The following UNC13B variants were observed in gnomAD, a reference collection of about 807,000 sequenced individuals.
UNC13B encodes unc-13 homolog B.
Under a neutral mutation model 211.0 loss-of-function variants are expected in UNC13B, and 144 were observed. The ratio of observed to expected loss-of-function variants is 0.68; its 90% CI spans 0.60 to 0.78. The LOEUF (loss-of-function observed/expected upper bound fraction) is 0.78, where lower values mean the gene tolerates loss of function less well. Among genes scored for constraint, UNC13B ranks in the 30% least tolerant of loss-of-function variants. The pLI, the probability that UNC13B is intolerant of heterozygous loss-of-function variation, is 0.00. For missense variants in UNC13B, 1,777 were observed against 2,002.0 expected (o/e 0.89, Z 2.14); for synonymous variants, 709 against 725.8 (o/e 0.98, Z 0.37).
chr9:35,351,552 A>C lies in UNC13B; in HGVS notation c.9415-15395A>C, dbSNP rs918498605. 1.3e-5 allele frequency: 16 copies of C among 1,232,260 alleles called. No homozygotes were observed. The African/African-American group carries it at 1.9e-4, about 14-fold the overall frequency. The allele number at this position is 1,232,260 out of a possible 1,614,324, so 76.3% of individuals were successfully genotyped here. A position where few individuals can be genotyped will look rare whatever the true frequency, so the allele number is the denominator to read the frequency against. ...ATGAAGCGATTGTTGCAAGAGTCAG[A>C]GGAAGAAATCATGGTTACCTTGGGA... On this transcript the variant is annotated intron_variant, in intron 11 of 39. Transcript: ENST00000635942.
At position 35,397,106 on chromosome 9, in the gene UNC13B, T is replaced by C. The variant is rs150889104; in HGVS notation, c.11533-61T>C. On this transcript the variant is annotated intron_variant, in intron 28 of 39. Coordinates refer to ENST00000635942, the MANE Select transcript of UNC13B (RefSeq NM_001371189.2). ...CTTGCTGGTCAGAGCCTTTTCAAAC[T>C]CTACAAGCTTGGGAAAAGATAGCAG... The C allele has an allele frequency of 1.2e-4, 192 of 1,606,908 alleles. No homozygotes were observed. The East Asian group carries it at 4.3e-3, about 36-fold the overall frequency.
intron 11 of UNC13B, among the ~76,000 whole-genome samples, chr9:35,365,053 G>A (rs1269450208): frequency 6.6e-6 from 1 of 152,228 alleles, no homozygotes; most frequent in African/African-American, 2.4e-5. Flanking sequence ...AAGTGTGAAG[G>A]TACTTGTGCT....
chr9:35,328,114 A>T (rs1587628441), intron 11 of UNC13B, among the ~76,000 whole-genome samples: 1 of 152,024 alleles, frequency 6.6e-6, no homozygotes, highest in South Asian at 2.1e-4. Context: ...TCTGCCTCCC[A>T]GGTTCAAGCA....
intron 1 of UNC13B, among the ~76,000 whole-genome samples, chr9:35,201,272 A>G (rs1823269830): frequency 6.6e-6 from 1 of 152,188 alleles, no homozygotes; most frequent in African/African-American, 2.4e-5. Context: ...ATTGATGTTC[A>G]TCAGGATATT....
At chr9:35,218,677 G>A (rs1824392734) in intron 1 of UNC13B, among the ~76,000 whole-genome samples, 1 of 151,884 alleles carries the variant, frequency 6.6e-6, no homozygotes, top group African/African-American at 2.4e-5. Flanking sequence ...GATTATAGCC[G>A]TGAGCCACCG....
At chr9:35,387,545 A>G (rs1439056148) in intron 24 of UNC13B, among the ~76,000 whole-genome samples, 2 of 152,164 alleles carry the variant, frequency 1.3e-5, no homozygotes, top group East Asian at 1.9e-4. Flanking sequence ...TCATCTGTCT[A>G]TGAAGTCTCT....
At chr9:35,379,568 ATTC>A (rs1564181345) in intron 17 of UNC13B, among the ~76,000 whole-genome samples, 2 of 152,208 alleles carry the variant, frequency 1.3e-5, no homozygotes, top group Non-Finnish European at 2.9e-5. Flanking sequence ...TCCTGCTTGA[ATTC>A]TTCTTATGAC....
At chr9:35,293,349 G>A (rs1293585316) in intron 7 of UNC13B, among the ~76,000 whole-genome samples, 3 of 152,226 alleles carry the variant, frequency 2.0e-5, no homozygotes, top group African/African-American at 4.8e-5. Flanking sequence ...AGTAAAACCT[G>A]TGGATTTGGG....
chr9:35,169,433 A>G (rs1204878950), intron 1 of UNC13B, among the ~76,000 whole-genome samples: 2 of 152,194 alleles, frequency 1.3e-5, no homozygotes, highest in African/African-American at 2.4e-5. Flanking sequence ...GTCCAAAAAT[A>G]TATTTCGGTT....
intron 18 of UNC13B, 89 bp downstream of exon 18, chr9:35,380,728 C>T: frequency 6.5e-7 from 1 of 1,533,130 alleles, no homozygotes; most frequent in African/African-American, 1.4e-5. Flanking sequence ...CACCATCTGT[C>T]CCCAAAGCAT....
At chr9:35,334,868 T>C (rs1214295107) in intron 11 of UNC13B, among the ~76,000 whole-genome samples, 1 of 152,062 alleles carries the variant, frequency 6.6e-6, no homozygotes, top group African/African-American at 2.4e-5. Context: ...GAAACCCCCA[T>C]CTCTACTAAA....
At chr9:35,356,827 G>A (rs1457361581) in intron 11 of UNC13B, among the ~76,000 whole-genome samples, 1 of 152,110 alleles carries the variant, frequency 6.6e-6, no homozygotes, top group Non-Finnish European at 1.5e-5. Context: ...CTATGAATTT[G>A]CCTATTATGT....
chr9:35,196,776 A>C (rs1277549432), intron 1 of UNC13B, among the ~76,000 whole-genome samples: 1 of 151,898 alleles, frequency 6.6e-6, no homozygotes, highest in African/African-American at 2.4e-5. Context: ...TTATTTATTT[A>C]TTTTCTTTTT....
intron 1 of UNC13B, among the ~76,000 whole-genome samples, chr9:35,164,718 T>A (rs1368370429): frequency 2.0e-5 from 3 of 152,238 alleles, no homozygotes; most frequent in Non-Finnish European, 4.4e-5. Flanking sequence ...TTGTGCCCCC[T>A]GAAATACTCG....
At chr9:35,385,622 C>A in intron 22 of UNC13B, 102 bp from the exon 23 acceptor site, 3 of 1,450,580 alleles carry the variant, frequency 2.1e-6, no homozygotes, top group East Asian at 2.4e-5. Flanking sequence ...AGAGAAAAAC[C>A]CAGTAGGTAA....
intron 7 of UNC13B, among the ~76,000 whole-genome samples, chr9:35,286,141 C>T (rs975248399): frequency 1.6e-4 from 24 of 150,570 alleles, no homozygotes; most frequent in African/African-American, 5.9e-4. Context: ...CTAGGAATGT[C>T]TGTTGTTCTA....
At chr9:35,389,716 G>A in intron 24 of UNC13B, 130 bp from the exon 25 acceptor site, 1 of 939,268 alleles carries the variant, frequency 1.1e-6, no homozygotes. Context: ...ACAGGCTCTA[G>A]GAGAGGAAAG....
At chr9:35,201,330 CA>C (rs1823273420) in intron 1 of UNC13B, among the ~76,000 whole-genome samples, 1 of 152,192 alleles carries the variant, frequency 6.6e-6, no homozygotes, top group African/African-American at 2.4e-5. Context: ...GCTTTGGTAT[CA>C]GGATGATGCT....
chr9:35,390,555 A>G, intron 25 of UNC13B, 74 bp from the exon 26 acceptor site: 1 of 1,508,826 alleles, frequency 6.6e-7, no homozygotes, highest in Non-Finnish European at 9.2e-7. Flanking sequence ...AGAACTAGGC[A>G]CTTTAGCCTT....
Sources: gnomAD v4.1 joint callset for allele counts (sites outside exome capture counted in the v4.1 genomes callset) on GRCh38, gnomAD v4.1.1 for gene constraint, MANE v1.5 for transcripts, NCBI Gene and HGNC (gene_info 2026-07-23, HGNC 2026-07-21) for gene names.